Variants in GAS2 observed in about 807,000 individuals in gnomAD.
The protein encoded by GAS2 is growth arrest specific 2, also known as growth arrest-specific protein 2.
GAS2 carries 20 observed loss-of-function variants against 37.5 expected under a neutral mutation model. That is an observed-to-expected ratio of 0.53 (90% CI 0.37 to 0.77). The LOEUF (loss-of-function observed/expected upper bound fraction) is 0.77, where lower values mean the gene tolerates loss of function less well. Ranked by LOEUF, GAS2 falls within the 30% of genes least tolerant of loss-of-function variation. GAS2 has a pLI of 0.00. For missense variants in GAS2, 336 were observed against 373.4 expected, an observed-to-expected ratio of 0.90 and a Z score of 0.82; for synonymous variants, 144 against 132.2, an observed-to-expected ratio of 1.09 and a Z score of -0.61.
intron 7 of GAS2, among the ~76,000 whole-genome samples, chr11:22,765,528 C>G (rs995246418): frequency 5.3e-5 from 8 of 152,162 alleles, no homozygotes; most frequent in Admixed American, 2.6e-4. Context: ...GCCTGTAATC[C>G]CAGCACTTTG....
rs146541222 is a variant in GAS2 at position 22,782,662 on chromosome 11, C to T, written c.723+26709C>T. The stretch of plus-strand genomic sequence containing the variant: ...CCCTTATAAGTGAGAAAATACAGTA[C>T]GTTGTTTTCTATTCCTGTGTTAGTT... On this transcript the variant is annotated intron_variant, in intron 7 of 7. Transcript: ENST00000454584. Among the ~76,000 whole-genome samples the T allele has an allele frequency of 5.1e-3, 764 of 149,378 alleles. 3 individuals carry two copies. Among genetic ancestry groups the T allele is most frequent in the Middle Eastern group, 7.0e-3 (2 of 284 alleles).
rs371098220 is a variant in GAS2 at position 22,682,869 on chromosome 11, TAAAA to T, written c.146-2785_146-2782del. Among the ~76,000 whole-genome samples the T allele has an allele frequency of 3.8e-5, 3 of 78,956 alleles. 1 individual carries two copies. The highest frequency in any genetic ancestry group is 1.2e-3 in the South Asian group (2 of 1,732). The allele number at this position is 78,956 out of a possible 152,430, so 51.8% of individuals were successfully genotyped here. On this transcript the variant is annotated intron_variant, in intron 2 of 7. Coordinates refer to ENST00000454584, the MANE Select transcript of GAS2 (RefSeq NM_001143830.3). ...CAGCCTGTGGTTAGTCACTTTCTGCTAAAAAAAAAAAAAAAAAGGAAAAAAAAAA... is the reference window on the plus strand; with the variant it reads ...CAGCCTGTGGTTAGTCACTTTCTGCTAAAAAAAAAAAAAGGAAAAAAAAAA...
chr11:22,647,206 AATG>A (rs1247741257), intron 1 of GAS2, among the ~76,000 whole-genome samples: 1 of 151,492 alleles, frequency 6.6e-6, no homozygotes, highest in Non-Finnish European at 1.5e-5. Flanking sequence ...GTTTACTGAG[AATG>A]ATGATTTCCA....
Position 22,786,111 on chromosome 11 carries a change from C to T in GAS2, c.724-25687C>T, listed in dbSNP as rs925909304. Among the ~76,000 whole-genome samples the T allele has an allele frequency of 3.3e-5, 5 of 152,084 alleles. No homozygotes were observed. The South Asian group carries it at 1.0e-3, about 31-fold the overall frequency. ...TGTCCACAAACAGATTCTGCTTCTGCGGTATCCACCTCAGAATAGCTTAAA... is the reference window on the plus strand; with the variant it reads ...TGTCCACAAACAGATTCTGCTTCTGTGGTATCCACCTCAGAATAGCTTAAA... On this transcript the variant is annotated intron_variant, in intron 7 of 7. Coordinates refer to ENST00000454584, the MANE Select transcript of GAS2 (RefSeq NM_001143830.3).
intron 1 of GAS2, chr11:22,626,052 C>T: frequency 1.8e-6 from 1 of 556,176 alleles, no homozygotes; most frequent in Non-Finnish European, 3.2e-6. Flanking sequence ...GGGCATCCTA[C>T]CGAGAATTTC....
chr11:22,754,506 T>G (rs1310408638), intron 6 of GAS2, among the ~76,000 whole-genome samples: 1 of 152,034 alleles, frequency 6.6e-6, no homozygotes, highest in Non-Finnish European at 1.5e-5. Flanking sequence ...TTTGTTCTTT[T>G]CCCCCCAAAA....
intron 2 of GAS2, among the ~76,000 whole-genome samples, chr11:22,683,525 C>T (rs1824966): frequency 0.56 from 84,552 of 152,034 alleles, 26,090 homozygotes; most frequent in East Asian, 0.76. Flanking sequence ...CTTGGCCTCC[C>T]AAAGTGCTGG....
At chr11:22,662,712 T>C (rs1015038797), upstream of GAS2, among the ~76,000 whole-genome samples, 1 of 151,830 alleles carries the variant, frequency 6.6e-6, no homozygotes, top group Non-Finnish European at 1.5e-5. Context: ...CAGAAGGTAC[T>C]GCATAGGATA....
chr11:22,652,726 A>G lies in GAS2; in HGVS notation c.-20-22124A>G, dbSNP rs181815735. Among the ~76,000 whole-genome samples, 550 of 152,044 alleles carry G rather than the reference A, an allele frequency of 3.6e-3. 2 individuals are homozygous for G. The highest frequency in any genetic ancestry group is 0.012 in the African/African-American group (489 of 41,456). ...CCCCTTTCTTTGACTAGGAAAGGGA[A>G]CTCCCTGACCCCTTGCGCTTCCCCA... On this transcript the variant is annotated intron_variant, in intron 1 of 5. Coordinates refer to the GAS2 transcript ENST00000528582.
intron 1 of GAS2, among the ~76,000 whole-genome samples, chr11:22,652,275 C>G (rs191535967): frequency 3.4e-4 from 52 of 152,298 alleles, no homozygotes; most frequent in African/African-American, 1.2e-3. Context: ...GCAGTCTGCC[C>G]GTTCTCAGAT....
chr11:22,789,388 ATATGTGTGTGTGTG>A (rs1190052580), intron 7 of GAS2, among the ~76,000 whole-genome samples: 1 of 75,346 alleles, frequency 1.3e-5, no homozygotes, highest in Non-Finnish European at 2.9e-5. Flanking sequence ...ATGTACATAT[ATATGTGTGTGTGTG>A]TATGTGTGTG....
rs1565067479 is a variant in GAS2 at position 22,652,993 on chromosome 11, G to GTCTTTCTTTCTTTCTTTCTTTTTTTCTT, written c.-20-21836_-20-21835insTTTTCTTTCTTTCTTTCTTTCTTTCTTT. The stretch of plus-strand genomic sequence containing the variant: ...TTTCTTTCTTTGTCTTTCTTTCTTT[G>GTCTTTCTTTCTTTCTTTCTTTTTTTCTT]TCTTTCTTTCTTTCTTTCTTTCTTT... On this transcript the variant is annotated intron_variant, in intron 1 of 5. Transcript: ENST00000528582. Among the ~76,000 whole-genome samples the GTCTTTCTTTCTTTCTTTCTTTTTTTCTT allele has an allele frequency of 9.9e-3, 959 of 97,110 alleles. 27 individuals carry two copies. The highest frequency in any genetic ancestry group is 0.076 in the East Asian group (317 of 4,162). The allele number at this position is 97,110 out of a possible 152,430, so 63.7% of individuals were successfully genotyped here.
intron 3 of GAS2, among the ~76,000 whole-genome samples, chr11:22,706,206 T>G (rs1218302034): frequency 6.6e-6 from 1 of 152,014 alleles, no homozygotes; most frequent in Non-Finnish European, 1.5e-5. Context: ...GAGAATGGAT[T>G]GGAAAGGAGA....
rs549053270 is a variant in GAS2, at chr11:22,762,295, T to C, written c.723+6342T>C. On this transcript the variant is annotated intron_variant, in intron 7 of 7. Transcript: ENST00000454584. ...GACAGCTACAATTTAATAAGGATCG[T>C]TTGTTCCAGGCATTTTACCAGCTGC... Among the ~76,000 whole-genome samples, 12 of 152,312 alleles carry C rather than the reference T, an allele frequency of 7.9e-5. No homozygotes were observed. In the East Asian group the frequency reaches 2.3e-3, roughly 29 times the overall value.
rs185168536 is a variant in GAS2, at chr11:22,690,750, C to T, written c.267+4961C>T. On this transcript the variant is annotated intron_variant, in intron 3 of 7. Coordinates refer to ENST00000454584, the MANE Select transcript of GAS2 (RefSeq NM_001143830.3). ...TTATGTCTTTTGACTCTCAGCTACC[C>T]GATCGGAATTGGCATCTCTAATCAA... Among the ~76,000 whole-genome samples, 141 of 152,168 alleles carry T rather than the reference C, an allele frequency of 9.3e-4. 1 individual carries two copies. Among genetic ancestry groups the T allele is most frequent in the African/African-American group, 3.1e-3 (128 of 41,514 alleles).
At chr11:22,639,842 A>G (rs553353453) in intron 1 of GAS2, among the ~76,000 whole-genome samples, 9 of 152,312 alleles carry the variant, frequency 5.9e-5, no homozygotes, top group African/African-American at 2.2e-4. Flanking sequence ...TACAGCAGAA[A>G]GGGTTACAAG....
chr11:22,731,990 C>T (rs924730096), intron 4 of GAS2, among the ~76,000 whole-genome samples: 1 of 151,638 alleles, frequency 6.6e-6, no homozygotes, highest in Non-Finnish European at 1.5e-5. Context: ...TGGCCCTCTC[C>T]CCTATGTCAG....
chr11:22,654,487 C>G (rs1270998395), intron 1 of GAS2, among the ~76,000 whole-genome samples: 1 of 151,920 alleles, frequency 6.6e-6, no homozygotes, highest in Non-Finnish European at 1.5e-5. Context: ...CCTTGACCTC[C>G]TTGGCTCAAG....
At chr11:22,772,173 G>A (rs1341555586) in intron 7 of GAS2, among the ~76,000 whole-genome samples, 1 of 152,076 alleles carries the variant, frequency 6.6e-6, no homozygotes, top group African/African-American at 2.4e-5. Context: ...CAAGTTACTT[G>A]TAAATGAACA....
Sources: gnomAD v4.1 joint callset for allele counts (sites outside exome capture counted in the v4.1 genomes callset) on GRCh38, gnomAD v4.1.1 for gene constraint, MANE v1.5 for transcripts, NCBI Gene and HGNC (gene_info 2026-07-23, HGNC 2026-07-21) for gene names.